The following CPED1 variants were observed in gnomAD, a reference collection of about 807,000 sequenced individuals.
CPED1 encodes the protein cadherin like and PC-esterase domain containing 1.
Under a neutral mutation model 128.2 loss-of-function variants are expected in CPED1, and 114 were observed. That is an observed-to-expected ratio of 0.89 (90% CI 0.76 to 1.04). The LOEUF (loss-of-function observed/expected upper bound fraction) is 1.04. Among genes scored for constraint, CPED1 ranks in the 50% least tolerant of loss-of-function variants. CPED1 has a pLI of 0.00. For synonymous variants in CPED1, 462 were observed against 426.7 expected (o/e 1.08, Z -1.02); for missense variants, 1,211 against 1,207.1 (o/e 1.00, Z -0.05).
intron 2 of CPED1, among the ~76,000 whole-genome samples, 196 bp from the exon 3 acceptor site, chr7:121,015,469 G>A (rs548109839): frequency 6.6e-6 from 1 of 152,252 alleles, no homozygotes; most frequent in South Asian, 2.1e-4. Flanking sequence ...GTTACAGTGA[G>A]GACAATTCAG....
intron 3 of CPED1, among the ~76,000 whole-genome samples, chr7:121,042,270 TG>T (rs1793078506): frequency 6.6e-6 from 1 of 152,144 alleles, no homozygotes; most frequent in Non-Finnish European, 1.5e-5. Context: ...TGATTACCAG[TG>T]GTATTGCCAA....
chr7:121,061,274 T>G (rs2116038332), intron 4 of CPED1: 1 of 707,692 alleles, frequency 1.4e-6, no homozygotes, highest in Non-Finnish European at 1.7e-6. Context: ...GGAAATATCC[T>G]AGGGTTTAAA....
At chr7:121,053,496 G>A (rs1479792124) in intron 4 of CPED1, among the ~76,000 whole-genome samples, 3 of 152,184 alleles carry the variant, frequency 2.0e-5, no homozygotes, top group Admixed American at 1.3e-4. Flanking sequence ...TGATGTCCTT[G>A]TCTCTTGTTA....
At chr7:121,108,933 C>T (rs1414391694) in intron 7 of CPED1, among the ~76,000 whole-genome samples, 6 of 152,058 alleles carry the variant, frequency 3.9e-5, no homozygotes, top group Non-Finnish European at 5.9e-5. Context: ...TTTTGCAACA[C>T]ATAGTTTTAA....
Position 121,098,745 on chromosome 7 carries a change from A to AT in CPED1, c.749+914_749+915insT, listed in dbSNP as rs1563024757. ...ACCTTGTCTCAAATATATATATATAAAAATATATAAAAATATATATAAATA... is the reference window on the plus strand; with the variant it reads ...ACCTTGTCTCAAATATATATATATAATAAATATATAAAAATATATATAAATA... On this transcript the variant is annotated intron_variant, in intron 6 of 22. Coordinates refer to ENST00000310396, the MANE Select transcript of CPED1 (RefSeq NM_024913.5). 9.4e-4 allele frequency among the ~76,000 whole-genome samples: 32 copies of AT among 33,944 alleles called. 1 individual carries two copies. The highest frequency in any genetic ancestry group is 0.011 in the Middle Eastern group (1 of 92). 22.3% of individuals were successfully genotyped at this position (33,944 alleles called of 152,430 possible).
At chr7:121,073,537 A>G (rs1794045619) in intron 5 of CPED1, among the ~76,000 whole-genome samples, 1 of 152,204 alleles carries the variant, frequency 6.6e-6, no homozygotes, top group Admixed American at 6.5e-5. Context: ...CTTTAGCTTC[A>G]GTGCCCATAT....
chr7:121,127,334 T>C (rs1172975226), intron 10 of CPED1, 77 bp downstream of exon 10: 2 of 886,068 alleles, frequency 2.3e-6, no homozygotes, highest in East Asian at 5.2e-5. Context: ...TATTCTGCAA[T>C]TCAGCAACTT....
At chr7:121,111,422 A>G (rs745649359) in intron 7 of CPED1, among the ~76,000 whole-genome samples, 5 of 152,152 alleles carry the variant, frequency 3.3e-5, no homozygotes, top group Non-Finnish European at 7.3e-5. Flanking sequence ...CCATTGCTAT[A>G]AAAACAGCCT....
chr7:121,008,085 C>T (rs1042272893), intron 2 of CPED1, among the ~76,000 whole-genome samples: 3 of 151,996 alleles, frequency 2.0e-5, no homozygotes, highest in Non-Finnish European at 2.9e-5. Context: ...GTAAAAGTCT[C>T]GCCTTCTGAA....
chr7:121,280,589 C>T (rs566006690), intron 22 of CPED1, among the ~76,000 whole-genome samples: 1 of 152,268 alleles, frequency 6.6e-6, no homozygotes, highest in East Asian at 1.9e-4. Context: ...AGTCTTGCCC[C>T]CTAATCCCCA....
chr7:121,114,506 A>G (rs1795189130), intron 7 of CPED1, among the ~76,000 whole-genome samples: 2 of 152,250 alleles, frequency 1.3e-5, no homozygotes, highest in African/African-American at 2.4e-5. Flanking sequence ...CATCATCAAT[A>G]TAGGACAATT....
chr7:121,117,077 T>TTTTA (rs377516668), intron 7 of CPED1, among the ~76,000 whole-genome samples: 2 of 128,776 alleles, frequency 1.6e-5, no homozygotes, highest in African/African-American at 6.0e-5. Context: ...TATATACACA[T>TTTTA]TATATATATA....
At chr7:121,248,594 CAAAAAAAA>C (rs36015608) in intron 18 of CPED1, among the ~76,000 whole-genome samples, 1 of 118,464 alleles carries the variant, frequency 8.4e-6, no homozygotes, top group Admixed American at 8.4e-5. Context: ...CCCTGTGAAA[CAAAAAAAA>C]AAAAAAAAAA....
intron 5 of CPED1, among the ~76,000 whole-genome samples, chr7:121,087,829 T>G (rs928365784): frequency 2.6e-5 from 4 of 151,852 alleles, no homozygotes; most frequent in African/African-American, 9.7e-5. Flanking sequence ...CTGGCTAATG[T>G]TTTTTAATTT....
At chr7:121,273,986 T>C (rs1447586374) in intron 22 of CPED1, among the ~76,000 whole-genome samples, 3 of 152,236 alleles carry the variant, frequency 2.0e-5, no homozygotes, top group South Asian at 2.1e-4. Flanking sequence ...AAAGACAACA[T>C]AGAGATTGGT....
chr7:121,067,605 T>A (rs1793873350), intron 5 of CPED1, among the ~76,000 whole-genome samples: 1 of 152,222 alleles, frequency 6.6e-6, no homozygotes, highest in South Asian at 2.1e-4. Flanking sequence ...GCAGCATGAT[T>A]TGTAATCCTT....
intron 16 of CPED1, among the ~76,000 whole-genome samples, chr7:121,217,889 A>C (rs1336790941): frequency 6.6e-6 from 1 of 151,934 alleles, no homozygotes; most frequent in Non-Finnish European, 1.5e-5. Context: ...GGAGGTGTGT[A>C]CCTGTGTGTG....
At chr7:121,245,777 A>G (rs1361172160) in intron 18 of CPED1, among the ~76,000 whole-genome samples, 2 of 147,862 alleles carry the variant, frequency 1.4e-5, no homozygotes, top group Non-Finnish European at 3.0e-5. Context: ...TGCAACCTCC[A>G]CCTCCTAGGT....
At chr7:121,008,014 C>T (rs1189401294) in intron 2 of CPED1, among the ~76,000 whole-genome samples, 1 of 151,074 alleles carries the variant, frequency 6.6e-6, no homozygotes, top group African/African-American at 2.4e-5. Flanking sequence ...TTTTTTTAAC[C>T]TCTTTTCTGC....
Sources: allele counts gnomAD v4.1 joint callset (sites outside exome capture counted in the v4.1 genomes callset), GRCh38; gene constraint gnomAD v4.1.1; transcripts MANE v1.5; gene names NCBI Gene and HGNC (gene_info 2026-07-23, HGNC 2026-07-21).